Variants in ITPK1 observed in about 807,000 individuals in gnomAD.
The protein encoded by ITPK1 is inositol-tetrakisphosphate 1-kinase.
A neutral mutation model predicts 45.3 loss-of-function variants in ITPK1; 21 were observed. That is an observed-to-expected ratio of 0.46 (90% CI 0.33 to 0.67). ITPK1 has a LOEUF of 0.67. Ranked by LOEUF, ITPK1 falls within the 30% of genes least tolerant of loss-of-function variation. The pLI is 0.02. For missense variants in ITPK1, 474 were observed against 573.5 expected (o/e 0.83, Z 1.77); for synonymous variants, 258 against 253.6 (o/e 1.02, Z -0.16).
At chr14:93,096,189 C>G (rs908424902) in intron 2 of ITPK1, among the ~76,000 whole-genome samples, 1 of 152,194 alleles carries the variant, frequency 6.6e-6, no homozygotes, top group South Asian at 2.1e-4. Flanking sequence ...TTGCTAAACC[C>G]GCTTCCCCTG....
chr14:92,945,620 T>C lies in ITPK1; in HGVS notation c.901+711A>G, dbSNP rs560786881. Among the ~76,000 whole-genome samples, 28 of 152,330 alleles carry C rather than the reference T, an allele frequency of 1.8e-4. 1 individual carries two copies. In the East Asian group the frequency reaches 5.2e-3, roughly 28 times the overall value. ...CTGCTGCGGGAGGTAAACAAGCCACTGAGCCTTGGTGTCCCCAGGGCGAGG... is the reference window on the plus strand; with the variant it reads ...CTGCTGCGGGAGGTAAACAAGCCACCGAGCCTTGGTGTCCCCAGGGCGAGG... On this transcript the variant is annotated intron_variant, in intron 10 of 10. Transcript: ENST00000267615.
intron 3 of ITPK1, among the ~76,000 whole-genome samples, chr14:93,029,142 C>A (rs1406681106): frequency 6.6e-6 from 1 of 152,196 alleles, no homozygotes; most frequent in East Asian, 1.9e-4. Flanking sequence ...TTTCCATAAC[C>A]ACCCTCCAAG....
chr14:93,088,738 C>T (rs1891752520), intron 2 of ITPK1, among the ~76,000 whole-genome samples: 1 of 152,170 alleles, frequency 6.6e-6, no homozygotes, highest in South Asian at 2.1e-4. Context: ...CTCAAGCAAT[C>T]CTCCCGCCTT....
At chr14:93,100,700 C>T (rs1306187857) in intron 2 of ITPK1, among the ~76,000 whole-genome samples, 1 of 152,198 alleles carries the variant, frequency 6.6e-6, no homozygotes, top group Non-Finnish European at 1.5e-5. Context: ...CCGCTCAGCA[C>T]TGAGGCTCCT....
intron 8 of ITPK1, among the ~76,000 whole-genome samples, chr14:92,953,411 C>T (rs1193476556): frequency 6.6e-6 from 1 of 152,228 alleles, no homozygotes; most frequent in Admixed American, 6.5e-5. Context: ...TGTCATGTGG[C>T]CCCCAGGATC....
chr14:93,114,953 C>T, intron 2 of ITPK1, 116 bp downstream of exon 2: 1 of 550,502 alleles, frequency 1.8e-6, no homozygotes, highest in Non-Finnish European at 3.0e-6. Context: ...CGCGCCGCTT[C>T]TTCCCGTTTG....
At chr14:93,085,712 A>G (rs1188806573) in intron 2 of ITPK1, among the ~76,000 whole-genome samples, 1 of 152,204 alleles carries the variant, frequency 6.6e-6, no homozygotes, top group African/African-American at 2.4e-5. Flanking sequence ...ACCACTTCAG[A>G]TCAGGAATCA....
intron 5 of ITPK1, among the ~76,000 whole-genome samples, chr14:92,976,012 G>A (rs143671266): frequency 6.6e-6 from 1 of 152,212 alleles, no homozygotes; most frequent in Non-Finnish European, 1.5e-5. Context: ...GCCATGTGAA[G>A]AAGGGCATGT....
At chr14:93,059,521 G>C (rs1344372437) in intron 3 of ITPK1, among the ~76,000 whole-genome samples, 1 of 63,558 alleles carries the variant, frequency 1.6e-5, no homozygotes, top group African/African-American at 7.1e-5. Flanking sequence ...CTGGTCACAA[G>C]GCAGGGGTGG....
chr14:92,963,689 C>G (rs1317965517), intron 5 of ITPK1, among the ~76,000 whole-genome samples: 3 of 152,274 alleles, frequency 2.0e-5, no homozygotes, highest in African/African-American at 7.2e-5. Context: ...CCCTCAAAAG[C>G]TGACCTGTTC....
intron 4 of ITPK1, 77 bp from the exon 5 acceptor site, chr14:92,994,074 G>T (rs150100497): frequency 1.1e-6 from 1 of 886,468 alleles, no homozygotes; most frequent in Admixed American, 1.7e-5. Context: ...CCCTCTGCAC[G>T]TCCATCCGTT....
chr14:92,948,798 C>T (rs948421677), intron 9 of ITPK1, among the ~76,000 whole-genome samples: 2 of 137,222 alleles, frequency 1.5e-5, no homozygotes, highest in African/African-American at 3.0e-5. Context: ...GCCCGGGCGC[C>T]GCCCACGCTC....
chr14:92,943,613 C>T (rs1180810187), intron 10 of ITPK1, among the ~76,000 whole-genome samples: 1 of 152,250 alleles, frequency 6.6e-6, no homozygotes, highest in South Asian at 2.1e-4. Flanking sequence ...CAGCAACCTC[C>T]TCCAGCATCC....
At chr14:93,045,986 TG>T (rs1390978562) in intron 3 of ITPK1, among the ~76,000 whole-genome samples, 2 of 152,218 alleles carry the variant, frequency 1.3e-5, no homozygotes, top group African/African-American at 4.8e-5. Flanking sequence ...GTCACTGCTC[TG>T]GCGGGACGGG....
chr14:93,033,700 T>G (rs893942416), intron 3 of ITPK1, among the ~76,000 whole-genome samples: 15 of 151,950 alleles, frequency 9.9e-5, no homozygotes, highest in Non-Finnish European at 1.9e-4. Context: ...AAAGAGGCGC[T>G]AGAGAGAGAC....
chr14:92,965,742 G>A (rs546529827), intron 5 of ITPK1, among the ~76,000 whole-genome samples: 5 of 152,320 alleles, frequency 3.3e-5, no homozygotes, highest in South Asian at 4.1e-4. Context: ...GGTGGCTCAC[G>A]CCTGTAATCC....
chr14:92,958,118 T>C lies in ITPK1; in HGVS notation c.670+83A>G, dbSNP rs778569744. Reference sequence around the variant, plus strand: ...CAAGAACACAGGGTGGTTGGGGCAGTGCCGAAGGACAGACAGCTGCTGCCA... The same window carrying C: ...CAAGAACACAGGGTGGTTGGGGCAGCGCCGAAGGACAGACAGCTGCTGCCA... On this transcript the variant is annotated intron_variant, in intron 8 of 10. Coordinates refer to ENST00000267615, the MANE Select transcript of ITPK1 (RefSeq NM_014216.6). This position sits in a 1 kb window ranked among gnomAD's most constrained non-coding sequence, Gnocchi z 4.4. 1.0e-5 allele frequency: 14 copies of C among 1,378,598 alleles called. No homozygotes were observed. The highest frequency in any genetic ancestry group is 1.4e-5 in the Non-Finnish European group (14 of 972,018). 85.4% of individuals were successfully genotyped at this position (1,378,598 alleles called of 1,614,324 possible).
intron 7 of ITPK1, among the ~76,000 whole-genome samples, chr14:92,961,626 A>G (rs1192991579): frequency 6.6e-6 from 1 of 152,224 alleles, no homozygotes; most frequent in Non-Finnish European, 1.5e-5. Context: ...GCCTGCCACA[A>G]AACAGGCCCT....
intron 2 of ITPK1, among the ~76,000 whole-genome samples, chr14:93,092,580 C>T (rs906615869): frequency 2.0e-5 from 3 of 152,244 alleles, no homozygotes; most frequent in Admixed American, 6.5e-5. Flanking sequence ...TGGCCCTCAA[C>T]GGAGCAATTT....
Sources: allele counts gnomAD v4.1 joint callset (sites outside exome capture counted in the v4.1 genomes callset), GRCh38; gene constraint gnomAD v4.1.1; non-coding constraint Gnocchi (gnomAD v3.1); transcripts MANE v1.5; gene names NCBI Gene and HGNC (gene_info 2026-07-23, HGNC 2026-07-21).